Variants in ESRRB observed in about 807,000 individuals in gnomAD.
ESRRB encodes estrogen related receptor beta.
ESRRB carries 16 observed loss-of-function variants against 46.0 expected under a neutral mutation model. The observed-to-expected ratio is 0.35, with a 90% CI of 0.24 to 0.53. The LOEUF (loss-of-function observed/expected upper bound fraction) is 0.53. Among genes scored for constraint, ESRRB ranks in the 20% least tolerant of loss-of-function variants. The probability of loss-of-function intolerance (pLI) is 0.93; values close to 1 mark genes in which losing one functional copy is unlikely to be tolerated. For synonymous variants in ESRRB, 246 were observed against 259.6 expected (o/e 0.95, Z 0.50); for missense variants, 488 against 607.4 (o/e 0.80, Z 2.07).
chr14:76,498,356 G>A lies in ESRRB; in HGVS notation c.1263G>A (p.Arg421=), dbSNP rs764505962. The A allele has an allele frequency of 1.2e-6, 2 of 1,609,868 alleles. No individual in the cohort carries two copies. The highest frequency in any genetic ancestry group is 1.7e-6 in the Non-Finnish European group (2 of 1,178,720). The part of the protein sequence containing the change: ...GKLLLTLPLL[R]QTAAKAVQHF... ...TGCTGCTGACACTGCCGCTGCTGCG[G>A]CAGACGGCCGCCAAGGCCGTGCAGC... is the stretch of plus-strand genomic sequence containing the variant. The change falls in exon 7 of 7, where the codon CGG becomes CGA. Residue 421 remains arginine, a synonymous_variant. Transcript: ENST00000644823.
intron 1 of ESRRB, among the ~76,000 whole-genome samples, chr14:76,406,358 C>T (rs1443082907): frequency 6.6e-6 from 1 of 152,152 alleles, no homozygotes; most frequent in East Asian, 1.9e-4. Flanking sequence ...ATTTAATCCC[C>T]ATTGCCTGGG....
At chr14:76,397,188 G>A (rs1267061689) in intron 1 of ESRRB, among the ~76,000 whole-genome samples, 1 of 152,220 alleles carries the variant, frequency 6.6e-6, no homozygotes, top group Admixed American at 6.5e-5. Context: ...CTTTGGCAGG[G>A]CCTTCGGATT....
At chr14:76,434,831 G>A (rs1256973167) in intron 1 of ESRRB, among the ~76,000 whole-genome samples, 1 of 152,208 alleles carries the variant, frequency 6.6e-6, no homozygotes, top group Non-Finnish European at 1.5e-5. Flanking sequence ...GCAGAGTGCT[G>A]TGAAGCAAGG....
intron 1 of ESRRB, among the ~76,000 whole-genome samples, chr14:76,383,642 T>C (rs1215327831): frequency 6.6e-6 from 1 of 152,184 alleles, no homozygotes; most frequent in East Asian, 1.9e-4. Flanking sequence ...CTTGACTGTT[T>C]TGGAGGAAGG....
intron 1 of ESRRB, among the ~76,000 whole-genome samples, chr14:76,415,128 T>C (rs1009267239): frequency 2.6e-5 from 4 of 151,806 alleles, no homozygotes; most frequent in Non-Finnish European, 5.9e-5. Context: ...TGGGGTGGGG[T>C]TGGGGACTGG....
chr14:76,412,029 T>G (rs1886465117), intron 1 of ESRRB, among the ~76,000 whole-genome samples: 1 of 152,244 alleles, frequency 6.6e-6, no homozygotes, highest in Non-Finnish European at 1.5e-5. Context: ...AATCAAGATC[T>G]TGATTCTTCT....
In ESRRB at chr14:76,498,717, G is replaced by A. The variant is rs576838853; in HGVS notation, c.*259G>A. On this transcript the variant is annotated 3_prime_UTR_variant, in exon 7 of 7. Coordinates refer to ENST00000644823, the MANE Select transcript of ESRRB (RefSeq NM_001379180.1). ...GGTATGTCTTTCCTTCTCCATGGAC[G>A]GTGCGGAGGCCTGGGCCAGGGCTGA... 5.5e-5 allele frequency: 68 copies of A among 1,238,398 alleles called. No individual in the cohort carries two copies. Among genetic ancestry groups the A allele is most frequent in the Non-Finnish European group, 6.8e-5 (59 of 866,692 alleles). 76.7% of individuals were successfully genotyped at this position (1,238,398 alleles called of 1,614,324 possible).
intron 6 of ESRRB, among the ~76,000 whole-genome samples, chr14:76,492,613 G>A (rs1277119656): frequency 6.6e-6 from 1 of 152,230 alleles, no homozygotes; most frequent in Non-Finnish European, 1.5e-5. Flanking sequence ...CAGTTAAAAA[G>A]TGTCAGAGTT....
chr14:76,445,228 G>A (rs1327030816), intron 2 of ESRRB, among the ~76,000 whole-genome samples: 1 of 150,290 alleles, frequency 6.7e-6, no homozygotes, highest in African/African-American at 2.5e-5. Flanking sequence ...CCAGCACTTT[G>A]GGAGGCCAAG....
chr14:76,399,789 C>T (rs553132524), intron 1 of ESRRB, among the ~76,000 whole-genome samples: 13 of 152,262 alleles, frequency 8.5e-5, no homozygotes, highest in East Asian at 3.9e-4. Context: ...AAGGGGACAG[C>T]GCTCACTAGG....
chr14:76,482,785 T>C lies in ESRRB; in HGVS notation c.850+26T>C. 1.2e-6 allele frequency: 2 copies of C among 1,612,284 alleles called. No individual in the cohort carries two copies. Among genetic ancestry groups the C allele is most frequent in the Non-Finnish European group, 1.7e-6 (2 of 1,179,662 alleles). On this transcript the variant is annotated intron_variant, in intron 5 of 6. Transcript: ENST00000644823. The surrounding 1 kb of genome is among the most constrained non-coding windows in gnomAD (Gnocchi z 4.3). ...GTGAGCATGTGGGACCAGGGGAGAG[T>C]GTGGCCAGGGACTCTCAGCCGGTAT...
intron 1 of ESRRB, among the ~76,000 whole-genome samples, chr14:76,423,898 G>T (rs113612136): frequency 6.6e-6 from 1 of 152,054 alleles, no homozygotes; most frequent in African/African-American, 2.4e-5. Context: ...TGGGGGGAGA[G>T]TGGGCAGGAG....
At chr14:76,327,879 ATT>A (rs986548715) in intron 1 of ESRRB, among the ~76,000 whole-genome samples, 1 of 145,610 alleles carries the variant, frequency 6.9e-6, no homozygotes, top group African/African-American at 2.5e-5. Context: ...AATTTTCGTA[ATT>A]TTTTTTTTTT....
chr14:76,416,125 C>CATTT (rs1886688104), intron 1 of ESRRB, among the ~76,000 whole-genome samples: 1 of 149,232 alleles, frequency 6.7e-6, no homozygotes, highest in Non-Finnish European at 1.5e-5. Flanking sequence ...AGTGATGTAC[C>CATTT]ATTTTCCCTT....
chr14:76,394,714 G>A (rs566521309), intron 1 of ESRRB, among the ~76,000 whole-genome samples: 2 of 152,292 alleles, frequency 1.3e-5, no homozygotes, highest in Non-Finnish European at 2.9e-5. Flanking sequence ...TGTCAGCTGC[G>A]TTGAGGGCCT....
intron 1 of ESRRB, among the ~76,000 whole-genome samples, chr14:76,364,634 G>A (rs1884500412): frequency 1.3e-5 from 2 of 151,994 alleles, no homozygotes; most frequent in Admixed American, 1.3e-4. Flanking sequence ...AGAGGGTGCA[G>A]TGAGGTGAGA....
At chr14:76,343,072 C>T (rs1276569558) in intron 1 of ESRRB, among the ~76,000 whole-genome samples, 1 of 152,180 alleles carries the variant, frequency 6.6e-6, no homozygotes, top group Non-Finnish European at 1.5e-5. Flanking sequence ...AACTTCTGAC[C>T]TCAGGCCTGA....
intron 1 of ESRRB, among the ~76,000 whole-genome samples, chr14:76,404,687 C>T (rs1886098147): frequency 6.6e-6 from 1 of 152,178 alleles, no homozygotes; most frequent in South Asian, 2.1e-4. Context: ...AGCTCCAGCC[C>T]AGCCTTTTGA....
chr14:76,461,669 T>C (rs1888868484), intron 2 of ESRRB, among the ~76,000 whole-genome samples: 1 of 152,004 alleles, frequency 6.6e-6, no homozygotes, highest in Non-Finnish European at 1.5e-5. Context: ...CCACCACACC[T>C]GGCTAATTTT....
Sources: allele counts gnomAD v4.1 joint callset (sites outside exome capture counted in the v4.1 genomes callset), GRCh38; gene constraint gnomAD v4.1.1; non-coding constraint Gnocchi (gnomAD v3.1); transcripts MANE v1.5; gene names NCBI Gene and HGNC (gene_info 2026-07-23, HGNC 2026-07-21).